The following AGAP5 variants were observed in gnomAD, a reference collection of about 807,000 sequenced individuals.
The protein encoded by AGAP5 is arf-GAP with GTPase, ANK repeat and PH domain-containing protein 5.
AGAP5 carries 8 observed loss-of-function variants against 27.7 expected under a neutral mutation model. That is an observed-to-expected ratio of 0.29 (90% CI 0.17 to 0.52). The LOEUF is 0.52. Among genes scored for constraint, AGAP5 ranks in the 20% least tolerant of loss-of-function variants. AGAP5 has a pLI of 0.97. For synonymous variants in AGAP5, 111 were observed against 338.0 expected (o/e 0.33, Z 7.37); for missense variants, 285 against 880.8 (o/e 0.32, Z 8.56).
At chr10:73,693,737 C>T (rs563928557) in intron 3 of AGAP5, among the ~76,000 whole-genome samples, 8 of 151,326 alleles carry the variant, frequency 5.3e-5, no homozygotes, top group African/African-American at 1.9e-4. Context: ...CTTCCCCCTT[C>T]CCCTCTCTCC....
At chr10:73,692,810 T>A (rs1275981676) in intron 3 of AGAP5, among the ~76,000 whole-genome samples, 2 of 150,172 alleles carry the variant, frequency 1.3e-5, no homozygotes, top group Non-Finnish European at 3.0e-5. Context: ...GCCTAGCTAA[T>A]TTTTTTTTGT....
At chr10:73,688,018 A>G (rs1322206821) in intron 4 of AGAP5, among the ~76,000 whole-genome samples, 2 of 152,176 alleles carry the variant, frequency 1.3e-5, no homozygotes, top group Non-Finnish European at 2.9e-5. Flanking sequence ...ATGTAAAAAA[A>G]AAAAGCCAGC....
chr10:73,692,633 ATTTT>A (rs71021562), intron 3 of AGAP5, among the ~76,000 whole-genome samples: 5 of 77,016 alleles, frequency 6.5e-5, no homozygotes, highest in East Asian at 2.9e-4. Context: ...CCTATCTTAA[ATTTT>A]TTTTTTTTTT....
At chr10:73,695,986 G>A (rs2082158201) in intron 2 of AGAP5, among the ~76,000 whole-genome samples, 1 of 151,776 alleles carries the variant, frequency 6.6e-6, no homozygotes, top group Admixed American at 6.6e-5. Context: ...TGCCAGCAGT[G>A]TAGAGACTAA....
At chr10:73,685,605 T>C (rs1379359828) in intron 4 of AGAP5, among the ~76,000 whole-genome samples, 2 of 151,488 alleles carry the variant, frequency 1.3e-5, no homozygotes, top group Non-Finnish European at 2.9e-5. Flanking sequence ...GGCTGGAGTA[T>C]GCAGTGTGGT....
chr10:73,688,665 T>G (rs1589473364), intron 4 of AGAP5, among the ~76,000 whole-genome samples: 1 of 152,170 alleles, frequency 6.6e-6, no homozygotes, highest in Non-Finnish European at 1.5e-5. Flanking sequence ...TGTACTGGTC[T>G]AAGCAGCCTA....
At position 73,697,649 on chromosome 10, in the gene AGAP5, G is replaced by A. The variant is rs1261805100; in HGVS notation, c.107C>T (p.Ala36Val). The A allele has an allele frequency of 1.2e-6, 2 of 1,603,634 alleles. No individual in the cohort carries two copies. The highest frequency in any genetic ancestry group is 1.7e-6 in the Non-Finnish European group (2 of 1,179,876). The change falls in exon 1 of 8, where the codon GCT becomes GTT. Residue 36 changes from alanine (A) to valine (V), a missense_variant. Physicochemically the swap from Ala to Val is moderately conservative, Grantham distance 64 (BLOSUM62 0). Coordinates refer to ENST00000374094, the MANE Select transcript of AGAP5 (RefSeq NM_001144000.4). ...PSESEIYEAG[A>V]GDRMAGAPMA... Reference sequence around the variant, plus strand: ...GGGCGCTCCTGCCATCCTGTCCCCAGCTCCTGCCTCATAGATCTCAGATTC... The same window carrying A: ...GGGCGCTCCTGCCATCCTGTCCCCAACTCCTGCCTCATAGATCTCAGATTC...
chr10:73,697,776 C>A lies in AGAP5; in HGVS notation c.-21G>T. The A allele has an allele frequency of 6.3e-7, 1 of 1,597,336 alleles. No homozygotes were observed. ...CCCATGGGGCGCCTCTACTGTCTGC[C>A]ACCACCTGTGCCTCTGCTCACAGCT... On this transcript the variant is annotated 5_prime_UTR_variant, in exon 1 of 8. Transcript: ENST00000374094.
At chr10:73,695,673 T>C (rs1239172372) in intron 2 of AGAP5, among the ~76,000 whole-genome samples, 3 of 152,186 alleles carry the variant, frequency 2.0e-5, no homozygotes, top group Admixed American at 1.3e-4. Flanking sequence ...AAAGTCACAC[T>C]CATAATGAGT....
intron 4 of AGAP5, among the ~76,000 whole-genome samples, chr10:73,690,050 G>T (rs1422916618): frequency 6.6e-6 from 1 of 151,632 alleles, no homozygotes; most frequent in Non-Finnish European, 1.5e-5. Flanking sequence ...CTGCCTGGCC[G>T]CCCCTACTGG....
chr10:73,691,221 T>C (rs890979006), intron 4 of AGAP5, among the ~76,000 whole-genome samples: 3 of 152,190 alleles, frequency 2.0e-5, no homozygotes, highest in African/African-American at 7.2e-5. Context: ...AGAGACAGGA[T>C]GAAGGACATG....
chr10:73,685,906 T>C (rs549579311), intron 4 of AGAP5, among the ~76,000 whole-genome samples: 2 of 152,250 alleles, frequency 1.3e-5, no homozygotes, highest in East Asian at 3.9e-4. Context: ...AATGAAGTCA[T>C]GGACACAAAC....
chr10:73,689,237 C>T (rs1222893008), intron 4 of AGAP5, among the ~76,000 whole-genome samples: 1 of 152,252 alleles, frequency 6.6e-6, no homozygotes, highest in East Asian at 1.9e-4. Context: ...GATCCGCCAG[C>T]CTCGGCCTCC....
chr10:73,686,550 G>T (rs1346616142), intron 4 of AGAP5, among the ~76,000 whole-genome samples: 1 of 152,198 alleles, frequency 6.6e-6, no homozygotes, highest in Non-Finnish European at 1.5e-5. Flanking sequence ...ACAAATAGGT[G>T]AGACTCAACT....
chr10:73,690,351 G>C (rs1452956413), intron 4 of AGAP5, among the ~76,000 whole-genome samples: 2 of 152,124 alleles, frequency 1.3e-5, no homozygotes, highest in African/African-American at 4.8e-5. Context: ...ATCCACTCAG[G>C]GTTGAATGGA....
intron 4 of AGAP5, among the ~76,000 whole-genome samples, chr10:73,689,688 G>C (rs913631098): frequency 2.0e-5 from 3 of 151,018 alleles, no homozygotes; most frequent in African/African-American, 7.3e-5. Flanking sequence ...CCCCGTCTGA[G>C]AAGTGAGGAG....
intron 3 of AGAP5, among the ~76,000 whole-genome samples, chr10:73,692,653 T>G (rs2082129348): frequency 6.9e-6 from 1 of 144,902 alleles, no homozygotes; most frequent in Non-Finnish European, 1.5e-5. Flanking sequence ...TTTTTTTTTT[T>G]TTTTTTTGAG....
At chr10:73,676,291 C>CAAA (rs371426814) in intron 7 of AGAP5, among the ~76,000 whole-genome samples, 1 of 71,796 alleles carries the variant, frequency 1.4e-5, no homozygotes, top group Non-Finnish European at 2.9e-5. Flanking sequence ...CCTGTCTTTA[C>CAAA]AAAAAAAAAA....
chr10:73,691,166 A>C (rs1357786146), intron 4 of AGAP5, among the ~76,000 whole-genome samples: 1 of 152,266 alleles, frequency 6.6e-6, no homozygotes, highest in Non-Finnish European at 1.5e-5. Context: ...GGAAAAAAGA[A>C]GATCCAGAAG....
Sources: allele counts gnomAD v4.1 joint callset (sites outside exome capture counted in the v4.1 genomes callset), GRCh38; gene constraint gnomAD v4.1.1; transcripts MANE v1.5; gene names NCBI Gene and HGNC (gene_info 2026-07-23, HGNC 2026-07-21).